NUP50: variants seen among roughly 807,000 people sequenced by gnomAD.
NUP50 encodes the protein nucleoporin 50.
NUP50 carries 14 observed loss-of-function variants against 36.8 expected under a neutral mutation model. The observed-to-expected ratio is 0.38, with a 90% CI of 0.25 to 0.59. The LOEUF (loss-of-function observed/expected upper bound fraction) is 0.59. Among genes scored for constraint, NUP50 ranks in the 20% least tolerant of loss-of-function variants. The pLI, the probability that NUP50 is intolerant of heterozygous loss-of-function variation, is 0.63. For synonymous variants in NUP50, 195 were observed against 210.8 expected, an observed-to-expected ratio of 0.93 and a Z score of 0.65; for missense variants, 455 against 564.6, an observed-to-expected ratio of 0.81 and a Z score of 1.97.
chr22:45,166,704 T>G (rs1202112588), intron 1 of NUP50, among the ~76,000 whole-genome samples: 1 of 101,560 alleles, frequency 9.8e-6, no homozygotes, highest in East Asian at 8.7e-4. Flanking sequence ...TACAGAGACC[T>G]GGTTTCTGCA....
At chr22:45,182,620 TTTG>T (rs966124204) in intron 6 of NUP50, among the ~76,000 whole-genome samples, 2 of 86,746 alleles carry the variant, frequency 2.3e-5, no homozygotes, top group Non-Finnish European at 4.4e-5. Flanking sequence ...AGCCTTGAGG[TTTG>T]TTTTTTTTTT....
intron 1 of NUP50, among the ~76,000 whole-genome samples, chr22:45,165,511 A>C (rs132857): frequency 6.6e-6 from 1 of 152,132 alleles, no homozygotes; most frequent in Non-Finnish European, 1.5e-5. Flanking sequence ...TAAGTTCTTC[A>C]TAACAGTAGC....
intron 3 of NUP50, among the ~76,000 whole-genome samples, chr22:45,173,619 G>T (rs1397162672): frequency 6.6e-5 from 10 of 152,260 alleles, no homozygotes; most frequent in South Asian, 2.1e-4. Context: ...TCATGTGGGG[G>T]ATTGAGGCCA....
At chr22:45,183,542 G>T in intron 7 of NUP50, 22 bp downstream of exon 7, 1 of 1,351,646 alleles carries the variant, frequency 7.4e-7, no homozygotes, top group Non-Finnish European at 1.1e-6. Flanking sequence ...TTTTCAGTTA[G>T]CACAAAATCA....
At chr22:45,170,754 A>C (rs2074178756) in intron 2 of NUP50, among the ~76,000 whole-genome samples, 1 of 152,208 alleles carries the variant, frequency 6.6e-6, no homozygotes, top group Non-Finnish European at 1.5e-5. Flanking sequence ...CATCTAGATT[A>C]CCATGTAACT....
chr22:45,186,921 G>GC lies in NUP50; in HGVS notation c.*2270dup, dbSNP rs2083453649. 1 of 152,248 alleles carries GC rather than the reference G, an allele frequency of 6.6e-6. No individual in the cohort carries two copies. Among genetic ancestry groups the GC allele is most frequent in the Non-Finnish European group, 1.5e-5 (1 of 68,034 alleles). 9.4% of individuals were successfully genotyped at this position (152,248 alleles called of 1,614,324 possible). A position where few individuals can be genotyped will look rare whatever the true frequency, so the allele number is the denominator to read the frequency against. On this transcript the variant is annotated 3_prime_UTR_variant, in exon 8 of 8. Transcript: ENST00000347635. Reference sequence around the variant, plus strand: ...CCTTGTCTTTTACTTGGGGCACGGGGCCCCTGGAGGGCTTCCCTACTTTCC... The same window carrying GC: ...CCTTGTCTTTTACTTGGGGCACGGGGCCCCCTGGAGGGCTTCCCTACTTTCC...
Position 45,183,424 on chromosome 22 carries a change from G to C in NUP50, c.1108G>C (p.Asp370His). The C allele has an allele frequency of 6.2e-7, 1 of 1,600,370 alleles. No homozygotes were observed. The highest frequency in any genetic ancestry group is 1.3e-5 in the African/African-American group (1 of 74,734). The change falls in exon 7 of 8, where the codon GAC becomes CAC. Residue 370 changes from aspartate (D) to histidine (H), a missense_variant. This residue lies in a region of NUP50 where 287 missense variants were observed against 345.5 expected (regional missense o/e 0.83). Transcript: ENST00000347635. ...SKKCKLFYKK[D>H]NEFKEKGIGT... ...TAGGTGTAAACTGTTTTACAAGAAA[G>C]ACAATGAGTTTAAAGAGAAAGGCAT...
At chr22:45,169,786 G>A (rs2074156144) in intron 2 of NUP50, among the ~76,000 whole-genome samples, 1 of 152,244 alleles carries the variant, frequency 6.6e-6, no homozygotes, top group Admixed American at 6.5e-5. Context: ...ACCGTGAAAG[G>A]GAGTCTCCTT....
At chr22:45,168,394 AC>A in intron 2 of NUP50, 148 bp downstream of exon 2, 1 of 603,540 alleles carries the variant, frequency 1.7e-6, no homozygotes, top group Non-Finnish European at 3.0e-6. Flanking sequence ...TATGACCTGT[AC>A]TTAGTGTAGA....
chr22:45,177,039 C>A (rs1391181132), intron 4 of NUP50, among the ~76,000 whole-genome samples: 1 of 152,100 alleles, frequency 6.6e-6, no homozygotes, highest in Non-Finnish European at 1.5e-5. Context: ...TGTGCCCGGC[C>A]TCTGTTAAGA....
rs943325863 is a variant in NUP50, at chr22:45,171,683, A to C, written c.153A>C (p.Glu51Asp). 6.2e-7 allele frequency: 1 copy of C among 1,613,522 alleles called. No homozygotes were observed. The highest frequency in any genetic ancestry group is 1.3e-5 in the African/African-American group (1 of 75,050). Residue 51 changes from glutamate (E) to aspartate (D), a missense_variant and splice_region_variant, in exon 3 of 8, where the codon GAA becomes GAC. By Grantham distance (45) the Glu-to-Asp change is conservative. Around this residue, in one of 3 missense-constraint regions of NUP50, gnomAD observed 166 missense variants for 202.8 expected, o/e 0.82. Transcript: ENST00000347635. Reference sequence around the variant, plus strand: ...CAAAGCGCAGAAATGTTGGATTTGAAGTGAGTGCCCCCTTACAGCTCTTGC... The same window carrying C: ...CAAAGCGCAGAAATGTTGGATTTGACGTGAGTGCCCCCTTACAGCTCTTGC... ...KKAKRRNVGF[E>D]SDTGGAFKGF...
intron 4 of NUP50, 89 bp from the exon 5 acceptor site, chr22:45,178,149 C>A (rs914748396): frequency 1.0e-4 from 118 of 1,184,016 alleles, no homozygotes; most frequent in Non-Finnish European, 1.4e-4. Flanking sequence ...ACAGTAAAAG[C>A]AGAAAGTATG....
At chr22:45,175,484 T>C (rs1017994134) in intron 3 of NUP50, among the ~76,000 whole-genome samples, 1 of 152,234 alleles carries the variant, frequency 6.6e-6, no homozygotes, top group African/African-American at 2.4e-5. Context: ...TTGATGTTTT[T>C]ATCATTTCTT....
At chr22:45,167,485 G>T (rs886377233) in intron 1 of NUP50, among the ~76,000 whole-genome samples, 1 of 152,164 alleles carries the variant, frequency 6.6e-6, no homozygotes, top group Non-Finnish European at 1.5e-5. Flanking sequence ...TTCCACTAAT[G>T]CCATCGTATT....
chr22:45,182,498 T>C (rs1276115617), intron 6 of NUP50, among the ~76,000 whole-genome samples: 1 of 152,128 alleles, frequency 6.6e-6, no homozygotes, highest in Admixed American at 6.5e-5. Flanking sequence ...CCTCAGGAGA[T>C]GCATAGCACA....
chr22:45,169,114 C>T (rs1601768408), intron 2 of NUP50, among the ~76,000 whole-genome samples: 1 of 152,150 alleles, frequency 6.6e-6, no homozygotes, highest in African/African-American at 2.4e-5. Context: ...GTTGGTCAGA[C>T]TGGTCTCAAA....
intron 1 of NUP50, chr22:45,164,985 G>C (rs1016780726): frequency 1.3e-5 from 2 of 152,148 alleles, no homozygotes; most frequent in African/African-American, 4.8e-5. Context: ...TGGCCCCCTT[G>C]TTGTTTTCCT....
At chr22:45,175,224 C>T (rs1376154292) in intron 3 of NUP50, among the ~76,000 whole-genome samples, 1 of 152,146 alleles carries the variant, frequency 6.6e-6, no homozygotes, top group African/African-American at 2.4e-5. Context: ...CACACATTTC[C>T]AGAGCATCTT....
chr22:45,184,403 T>G (rs1467900574), intron 7 of NUP50, 50 bp from the exon 8 acceptor site: 1 of 1,518,880 alleles, frequency 6.6e-7, no homozygotes, highest in Non-Finnish European at 9.1e-7. Context: ...ACTCCTTTGG[T>G]GGAGCTATAG....
Sources: allele counts gnomAD v4.1 joint callset (sites outside exome capture counted in the v4.1 genomes callset), GRCh38; gene constraint gnomAD v4.1.1; regional missense constraint gnomAD v4.1.1; transcripts MANE v1.5; gene names NCBI Gene and HGNC (gene_info 2026-07-23, HGNC 2026-07-21).